ADGRL2: variants seen among roughly 807,000 people sequenced by gnomAD.
ADGRL2 encodes the protein calcium-independent alpha-latrotoxin receptor 2.
A neutral mutation model predicts 157.4 loss-of-function variants in ADGRL2; 44 were observed. That is an observed-to-expected ratio of 0.28 (90% CI 0.22 to 0.36). The LOEUF (loss-of-function observed/expected upper bound fraction) is 0.36, where lower values mean the gene tolerates loss of function less well. Among genes scored for constraint, ADGRL2 ranks in the 10% least tolerant of loss-of-function variants. The probability of loss-of-function intolerance (pLI) is 1.00; values close to 1 mark genes in which losing one functional copy is unlikely to be tolerated. For missense variants in ADGRL2, 1,510 were observed against 1,768.9 expected (o/e 0.85, Z 2.63); for synonymous variants, 585 against 624.7 (o/e 0.94, Z 0.95).
chr1:81,474,950 T>C (rs1553168255), intron 2 of ADGRL2, among the ~76,000 whole-genome samples: 1 of 152,160 alleles, frequency 6.6e-6, no homozygotes, highest in Non-Finnish European at 1.5e-5. Context: ...GCCACCAGTA[T>C]AGTTCCTAAC....
chr1:81,631,997 T>G (rs1012167228), intron 3 of ADGRL2, among the ~76,000 whole-genome samples: 1 of 152,200 alleles, frequency 6.6e-6, no homozygotes, highest in Non-Finnish European at 1.5e-5. Context: ...ATCAAATATT[T>G]ATTATATAGC....
At chr1:81,383,944 A>C (rs1400915037) in intron 1 of ADGRL2, among the ~76,000 whole-genome samples, 1 of 147,054 alleles carries the variant, frequency 6.8e-6, no homozygotes, top group Non-Finnish European at 1.5e-5. Flanking sequence ...ACAGAGCAAG[A>C]CTCTGTCTCA....
intron 1 of ADGRL2, among the ~76,000 whole-genome samples, chr1:81,320,149 T>C (rs1457894391): frequency 1.3e-5 from 2 of 152,220 alleles, no homozygotes; most frequent in Non-Finnish European, 2.9e-5. Context: ...ATTTCTTTGC[T>C]CATCCATAAG....
chr1:81,611,731 T>G (rs1008729809), intron 3 of ADGRL2, among the ~76,000 whole-genome samples: 2 of 152,152 alleles, frequency 1.3e-5, no homozygotes, highest in African/African-American at 4.8e-5. Flanking sequence ...AAAACACTGT[T>G]TCCTAGGCCT....
At chr1:81,598,134 G>A (rs1189626915) in intron 3 of ADGRL2, among the ~76,000 whole-genome samples, 1 of 152,192 alleles carries the variant, frequency 6.6e-6, no homozygotes, top group Non-Finnish European at 1.5e-5. Context: ...CACTCCCAGA[G>A]TCACAGATGT....
intron 2 of ADGRL2, among the ~76,000 whole-genome samples, chr1:81,466,037 T>G (rs759410219): frequency 2.0e-4 from 30 of 152,302 alleles, no homozygotes; most frequent in Middle Eastern, 3.4e-3. Flanking sequence ...AAAGATACAG[T>G]GTACCACATG....
intron 2 of ADGRL2, among the ~76,000 whole-genome samples, chr1:81,845,090 C>G (rs1041038914): frequency 1.3e-5 from 2 of 151,944 alleles, no homozygotes; most frequent in Non-Finnish European, 2.9e-5. Context: ...TGTATAAATA[C>G]AAAATTAGGT....
intron 1 of ADGRL2, among the ~76,000 whole-genome samples, chr1:81,402,291 G>T (rs1406411416): frequency 1.3e-5 from 2 of 152,124 alleles, no homozygotes; most frequent in East Asian, 1.9e-4. Flanking sequence ...ATGCCACTCT[G>T]CCTGCCAGGC....
intron 16 of ADGRL2, among the ~76,000 whole-genome samples, chr1:81,971,071 T>C (rs1658587852): frequency 6.6e-6 from 1 of 152,188 alleles, no homozygotes; most frequent in African/African-American, 2.4e-5. Flanking sequence ...TGACAGAAGG[T>C]AGACATAGTC....
intron 2 of ADGRL2, among the ~76,000 whole-genome samples, chr1:81,779,514 A>G (rs938549447): frequency 2.0e-5 from 3 of 152,140 alleles, no homozygotes; most frequent in African/African-American, 4.8e-5. Context: ...AGCATATTTC[A>G]CAAGCCATAG....
intron 2 of ADGRL2, among the ~76,000 whole-genome samples, chr1:81,546,302 G>A (rs538241751): frequency 5.0e-4 from 76 of 152,264 alleles, no homozygotes; most frequent in African/African-American, 1.6e-3. Flanking sequence ...ATTTGGGAAC[G>A]CAAAGTCCGG....
At chr1:81,777,997 A>G (rs1288225304) in intron 2 of ADGRL2, among the ~76,000 whole-genome samples, 1 of 151,928 alleles carries the variant, frequency 6.6e-6, no homozygotes, top group African/African-American at 2.4e-5. Context: ...ATTGGGTACA[A>G]TCATCAATCA....
intron 17 of ADGRL2, among the ~76,000 whole-genome samples, chr1:81,974,832 T>C (rs1659712745): frequency 6.6e-6 from 1 of 152,116 alleles, no homozygotes; most frequent in Non-Finnish European, 1.5e-5. Context: ...GATGTTTAGC[T>C]GTGTCATATC....
At chr1:81,903,651 T>TACA (rs2094527890) in intron 2 of ADGRL2, among the ~76,000 whole-genome samples, 1 of 150,660 alleles carries the variant, frequency 6.6e-6, no homozygotes, top group African/African-American at 2.4e-5. Flanking sequence ...ACATAGTAAT[T>TACA]GCTTTGCAAG....
At chr1:81,820,895 C>T (rs1051791724) in intron 1 of ADGRL2, among the ~76,000 whole-genome samples, 2 of 152,138 alleles carry the variant, frequency 1.3e-5, no homozygotes, top group African/African-American at 4.8e-5. Context: ...TTGTAGTTCT[C>T]CATGGCCTAT....
chr1:81,372,186 TA>T (rs2076171830), intron 1 of ADGRL2, among the ~76,000 whole-genome samples: 1 of 152,182 alleles, frequency 6.6e-6, no homozygotes, highest in Non-Finnish European at 1.5e-5. Context: ...TCAACTTTTT[TA>T]AAATGGGAAA....
chr1:81,506,560 A>T (rs1260102190), intron 2 of ADGRL2, among the ~76,000 whole-genome samples: 1 of 152,082 alleles, frequency 6.6e-6, no homozygotes, highest in African/African-American at 2.4e-5. Context: ...TAATTAAAAA[A>T]TTAGCCAGGT....
At chr1:81,460,635 A>G (rs919506465) in intron 2 of ADGRL2, among the ~76,000 whole-genome samples, 11 of 152,288 alleles carry the variant, frequency 7.2e-5, no homozygotes, top group African/African-American at 2.4e-4. Context: ...GAATTTGTGT[A>G]TATTTACTGT....
chr1:81,316,245 T>C (rs1209730407), intron 1 of ADGRL2, among the ~76,000 whole-genome samples: 1 of 152,162 alleles, frequency 6.6e-6, no homozygotes, highest in East Asian at 1.9e-4. Context: ...AAAGGTTAAA[T>C]GGTTTAAGCA....
Sources: gnomAD v4.1 joint callset for allele counts (sites outside exome capture counted in the v4.1 genomes callset) on GRCh38, gnomAD v4.1.1 for gene constraint, MANE v1.5 for transcripts, NCBI Gene and HGNC (gene_info 2026-07-23, HGNC 2026-07-21) for gene names.